Variants in EDNRA observed in about 807,000 individuals in gnomAD.
EDNRA encodes endothelin receptor type A.
Under a neutral mutation model 41.4 loss-of-function variants are expected in EDNRA, and 11 were observed. The ratio of observed to expected loss-of-function variants is 0.27; its 90% confidence interval spans 0.17 to 0.44. The LOEUF is 0.44. EDNRA is among the 20% of genes least tolerant of loss of function. The pLI is 1.00. For synonymous variants in EDNRA, 172 were observed against 183.0 expected, an observed-to-expected ratio of 0.94 and a Z score of 0.49; for missense variants, 294 against 531.0, an observed-to-expected ratio of 0.55 and a Z score of 4.39.
rs1372734655 is a variant in EDNRA, at chr4:147,532,145, TACTA to T, written c.549-359_549-356del. On this transcript the variant is annotated intron_variant, in intron 3 of 7. Coordinates refer to ENST00000651419, the MANE Select transcript of EDNRA (RefSeq NM_001957.4). Reference sequence around the variant, plus strand: ...GGCTAGCACGGTGAAACCCCGTCTCTACTAAAAAAAAAAAAAAAAAAATACAAAA... The same window carrying T: ...GGCTAGCACGGTGAAACCCCGTCTCTAAAAAAAAAAAAAAAAAATACAAAA... 2.9e-3 allele frequency among the ~76,000 whole-genome samples: 306 copies of T among 105,670 alleles called. 3 individuals are homozygous for T. Among genetic ancestry groups the T allele is most frequent in the African/African-American group, 0.016 (293 of 18,212 alleles). 69.3% of individuals were successfully genotyped at this position (105,670 alleles called of 152,430 possible).
intron 3 of EDNRA, among the ~76,000 whole-genome samples, chr4:147,528,327 C>CT (rs1432166684): frequency 6.8e-6 from 1 of 147,866 alleles, no homozygotes. Flanking sequence ...AGCTTATATG[C>CT]TTTTTTTCAC....
intron 2 of EDNRA, among the ~76,000 whole-genome samples, chr4:147,500,811 C>G (rs1729493748): frequency 6.6e-6 from 1 of 151,662 alleles, no homozygotes; most frequent in Non-Finnish European, 1.5e-5. Flanking sequence ...GTCATTCTGC[C>G]AGCACCCAGG....
At chr4:147,483,799 A>G (rs1044328553) in intron 1 of EDNRA, among the ~76,000 whole-genome samples, 9 of 150,582 alleles carry the variant, frequency 6.0e-5, no homozygotes, top group African/African-American at 2.2e-4. Context: ...AGCTCCCTGC[A>G]GCCTTAACCT....
chr4:147,539,790 T>C (rs760859983), intron 5 of EDNRA, 27 bp from the exon 6 acceptor site: 5 of 1,600,954 alleles, frequency 3.1e-6, no homozygotes, highest in Non-Finnish European at 3.4e-6. Flanking sequence ...AAATTTGTTG[T>C]CCTATTTTTT....
chr4:147,535,088 C>G (rs890265612), intron 4 of EDNRA, among the ~76,000 whole-genome samples: 1 of 152,144 alleles, frequency 6.6e-6, no homozygotes, highest in Admixed American at 6.5e-5. Context: ...AAAAGCATTT[C>G]GTCCCAAGTT....
chr4:147,501,189 G>A (rs534731618), intron 2 of EDNRA, among the ~76,000 whole-genome samples: 1 of 152,294 alleles, frequency 6.6e-6, no homozygotes, highest in East Asian at 1.9e-4. Context: ...CAGAAATTTT[G>A]GATAAATGAA....
At chr4:147,482,892 C>G (rs992637602) in intron 1 of EDNRA, among the ~76,000 whole-genome samples, 16 of 152,212 alleles carry the variant, frequency 1.1e-4, no homozygotes, top group African/African-American at 3.9e-4. Flanking sequence ...AGGTCAGTTC[C>G]CAGCCGACTG....
chr4:147,484,765 G>T (rs1442336811), intron 1 of EDNRA, among the ~76,000 whole-genome samples: 1 of 152,172 alleles, frequency 6.6e-6, no homozygotes, highest in Non-Finnish European at 1.5e-5. Flanking sequence ...GATAATTTCT[G>T]AGAAATGAAA....
chr4:147,502,112 A>T (rs1010899866), intron 2 of EDNRA, among the ~76,000 whole-genome samples: 3 of 152,316 alleles, frequency 2.0e-5, no homozygotes, highest in East Asian at 1.9e-4. Flanking sequence ...CTATAAAAAA[A>T]TGGTGAAAAA....
intron 2 of EDNRA, chr4:147,487,899 G>T (rs918066028): frequency 1.3e-5 from 2 of 152,164 alleles, no homozygotes; most frequent in African/African-American, 4.8e-5. Context: ...AAAATGTTTA[G>T]CATATGCTAC....
chr4:147,522,864 T>C (rs1271065879), intron 3 of EDNRA, among the ~76,000 whole-genome samples: 1 of 152,154 alleles, frequency 6.6e-6, no homozygotes, highest in African/African-American at 2.4e-5. Flanking sequence ...GAGTTACAGT[T>C]TAATTTTATA....
chr4:147,485,810 A>G lies in EDNRA; in HGVS notation c.129A>G (p.Thr43=), dbSNP rs1728924646. 6.2e-7 allele frequency: 1 copy of G among 1,614,274 alleles called. No individual in the cohort carries two copies. Among genetic ancestry groups the G allele is most frequent in the Non-Finnish European group, 8.5e-7 (1 of 1,180,046 alleles). Residue 43 remains threonine (T), a synonymous_variant, in exon 2 of 8, where the codon ACA becomes ACG. Coordinates refer to ENST00000651419, the MANE Select transcript of EDNRA (RefSeq NM_001957.4). ...HVDDFTTFRG[T]ELSFLVTTHQ... Reference sequence around the variant, plus strand: ...ATGATTTCACCACTTTTCGTGGCACAGAGCTCAGCTTCCTGGTTACCACTC... The same window carrying G: ...ATGATTTCACCACTTTTCGTGGCACGGAGCTCAGCTTCCTGGTTACCACTC...
intron 3 of EDNRA, among the ~76,000 whole-genome samples, chr4:147,525,531 A>C (rs1730504532): frequency 1.3e-5 from 2 of 151,320 alleles, no homozygotes; most frequent in South Asian, 4.2e-4. Flanking sequence ...CCAGCTATTA[A>C]AATAGTTATT....
chr4:147,538,976 C>T lies in EDNRA; in HGVS notation c.901-841C>T, dbSNP rs374630591. ...GCTTCTAAATGCATGCAATATAATA[C>T]TCAAATAATGCACACCAATGAATGG... On this transcript the variant is annotated intron_variant, in intron 5 of 7. Coordinates refer to ENST00000651419, the MANE Select transcript of EDNRA (RefSeq NM_001957.4). 6.5e-4 allele frequency among the ~76,000 whole-genome samples: 99 copies of T among 152,200 alleles called. 3 individuals carry two copies. The South Asian group carries it at 0.019, about 29-fold the overall frequency.
chr4:147,542,427 CG>C, intron 7 of EDNRA, 50 bp from the exon 8 acceptor site: 1 of 1,610,320 alleles, frequency 6.2e-7, no homozygotes, highest in Middle Eastern at 1.7e-4. Flanking sequence ...TGTGTTTGGC[CG>C]GGAATGGGCT....
chr4:147,524,289 C>T (rs1019783041), intron 3 of EDNRA, among the ~76,000 whole-genome samples: 3 of 151,898 alleles, frequency 2.0e-5, no homozygotes, highest in Admixed American at 1.3e-4. Flanking sequence ...GAGCATCATG[C>T]GGAGCTTCAG....
At chr4:147,523,065 T>C (rs946946912) in intron 3 of EDNRA, among the ~76,000 whole-genome samples, 2 of 152,222 alleles carry the variant, frequency 1.3e-5, no homozygotes, top group Admixed American at 1.3e-4. Flanking sequence ...AAGTTTTGTC[T>C]AAAGATTTGA....
At chr4:147,529,578 G>T (rs1730674296) in intron 3 of EDNRA, among the ~76,000 whole-genome samples, 1 of 152,144 alleles carries the variant, frequency 6.6e-6, no homozygotes, top group Admixed American at 6.5e-5. Context: ...ATCAAGTGAA[G>T]AAAGCATTTC....
At chr4:147,532,325 C>CAAAAAAAAAAA (rs59851236) in intron 3 of EDNRA, among the ~76,000 whole-genome samples, 181 bp from the exon 4 acceptor site, 39 of 60,390 alleles carry the variant, frequency 6.5e-4, no homozygotes, top group African/African-American at 2.3e-3. Context: ...GATTTTGCCT[C>CAAAAAAAAAAA]AAAAAAAAAA....
Sources: gnomAD v4.1 joint callset for allele counts (sites outside exome capture counted in the v4.1 genomes callset) on GRCh38, gnomAD v4.1.1 for gene constraint, MANE v1.5 for transcripts, NCBI Gene and HGNC (gene_info 2026-07-23, HGNC 2026-07-21) for gene names.